ADK: variants seen among roughly 807,000 people sequenced by gnomAD.
ADK encodes the protein N6,N6-dimethyladenosine kinase.
Under a neutral mutation model 44.7 loss-of-function variants are expected in ADK, and 24 were observed. The observed-to-expected ratio is 0.54, with a 90% CI of 0.39 to 0.76. ADK has a LOEUF of 0.76. ADK is among the 30% of genes least tolerant of loss of function. The pLI, the probability that ADK is intolerant of heterozygous loss-of-function variation, is 0.00. For missense variants in ADK, 321 were observed against 425.1 expected, an observed-to-expected ratio of 0.76 and a Z score of 2.15; for synonymous variants, 128 against 142.6, an observed-to-expected ratio of 0.90 and a Z score of 0.73.
intron 7 of ADK, among the ~76,000 whole-genome samples, chr10:74,537,877 T>C (rs546170359): frequency 5.9e-5 from 9 of 152,208 alleles, no homozygotes; most frequent in Middle Eastern, 6.8e-3. Flanking sequence ...CAGTTAAATT[T>C]TTTCATAGGG....
intron 1 of ADK, among the ~76,000 whole-genome samples, chr10:74,184,743 G>A (rs1180188619): frequency 6.6e-6 from 1 of 152,114 alleles, no homozygotes; most frequent in East Asian, 1.9e-4. Flanking sequence ...TCTCAAAAGT[G>A]TCCCATTTGG....
chr10:74,524,601 C>T (rs1848967598), intron 6 of ADK, among the ~76,000 whole-genome samples: 1 of 152,198 alleles, frequency 6.6e-6, no homozygotes, highest in South Asian at 2.1e-4. Context: ...CCATGTTGCC[C>T]AAGCTGGTTT....
intron 4 of ADK, among the ~76,000 whole-genome samples, chr10:74,374,727 A>G (rs1018505886): frequency 6.6e-6 from 1 of 152,052 alleles, no homozygotes; most frequent in Non-Finnish European, 1.5e-5. Context: ...CAGAGAAAGC[A>G]TGCCCATGTC....
rs1564642239 is a variant in ADK, at chr10:74,302,101, G to GTTTTTTTTTTT, written c.195-12563_195-12562insTTTTTTTTTTT. ...TTCTTTTCTTTTCTGTTTTTTTTTT[G>GTTTTTTTTTTT]TTTGTTTGTTTTTTTTTTTTTTTTT... On this transcript the variant is annotated intron_variant, in intron 3 of 10. Transcript: ENST00000539909. Among the ~76,000 whole-genome samples the GTTTTTTTTTTT allele has an allele frequency of 8.6e-4, 10 of 11,694 alleles. 2 individuals are homozygous for GTTTTTTTTTTT. The highest frequency in any genetic ancestry group is 2.8e-3 in the African/African-American group (10 of 3,532). The allele number at this position is 11,694 out of a possible 152,430, so 7.7% of individuals were successfully genotyped here. A position where few individuals can be genotyped will look rare whatever the true frequency, so the allele number is the denominator to read the frequency against.
In ADK at chr10:74,479,613, G is replaced by A. The variant is rs1033515156; in HGVS notation, c.556-45643G>A. Among the ~76,000 whole-genome samples, 3 of 151,678 alleles carry A rather than the reference G, an allele frequency of 2.0e-5. No homozygotes were observed. In the East Asian group the frequency reaches 5.8e-4, roughly 29 times the overall value. ...AAATATATATGTATACTGTTTTTCT[G>A]TGTGATTTATTATCTCTGCTGTTTT... On this transcript the variant is annotated intron_variant, in intron 6 of 10. Transcript: ENST00000539909.
intron 6 of ADK, among the ~76,000 whole-genome samples, chr10:74,495,943 C>G (rs888563526): frequency 6.6e-6 from 1 of 152,150 alleles, no homozygotes; most frequent in Non-Finnish European, 1.5e-5. Context: ...CTTCCCCCTG[C>G]TAATCTAATT....
chr10:74,222,946 T>G (rs751163774), intron 2 of ADK, among the ~76,000 whole-genome samples: 3 of 152,008 alleles, frequency 2.0e-5, no homozygotes, highest in Admixed American at 6.6e-5. Flanking sequence ...CACCAGCATG[T>G]CACATGCATA....
chr10:74,552,650 C>G lies in ADK; in HGVS notation c.726+27224C>G, dbSNP rs145154963. 2.3e-3 allele frequency among the ~76,000 whole-genome samples: 339 copies of G among 150,482 alleles called. 2 individuals carry two copies. The highest frequency in any genetic ancestry group is 7.8e-3 in the African/African-American group (320 of 40,950). On this transcript the variant is annotated intron_variant, in intron 7 of 10. Coordinates refer to ENST00000539909, the MANE Select transcript of ADK (RefSeq NM_006721.4). ...GGATACCATTAAGATAATGAATTGT[C>G]CAGCCACAGATTAGGAGAAAACATT... is the stretch of plus-strand genomic sequence containing the variant.
chr10:74,338,610 CA>C (rs1431692630), intron 4 of ADK, among the ~76,000 whole-genome samples: 1 of 151,952 alleles, frequency 6.6e-6, no homozygotes, highest in Non-Finnish European at 1.5e-5. Context: ...CTGGTACAGT[CA>C]ACAGTTTCCG....
At chr10:74,675,239 A>T (rs1044608534) in intron 10 of ADK, among the ~76,000 whole-genome samples, 1 of 152,236 alleles carries the variant, frequency 6.6e-6, no homozygotes, top group Non-Finnish European at 1.5e-5. Context: ...CTAATTATCT[A>T]TATCAGTACC....
chr10:74,704,326 T>C (rs1856526715), intron 10 of ADK, among the ~76,000 whole-genome samples: 1 of 152,212 alleles, frequency 6.6e-6, no homozygotes, highest in Non-Finnish European at 1.5e-5. Context: ...TTTGTTAAAA[T>C]AGTAAATTTT....
intron 7 of ADK, chr10:74,530,416 C>T (rs1849235832): frequency 6.6e-6 from 1 of 152,076 alleles, no homozygotes; most frequent in South Asian, 2.1e-4. Flanking sequence ...CCCTTATTTT[C>T]TACATGTCAC....
intron 3 of ADK, among the ~76,000 whole-genome samples, chr10:74,267,421 T>G (rs1846250049): frequency 6.6e-6 from 1 of 152,218 alleles, no homozygotes; most frequent in African/African-American, 2.4e-5. Flanking sequence ...TCAAAGATAC[T>G]GAGGAATGAC....
intron 9 of ADK, among the ~76,000 whole-genome samples, chr10:74,617,720 C>G (rs1056176151): frequency 2.6e-5 from 4 of 151,822 alleles, no homozygotes; most frequent in African/African-American, 9.7e-5. Flanking sequence ...TTCAGCCTCC[C>G]AAGTAGCTAG....
At chr10:74,645,068 T>A (rs1301434448) in intron 9 of ADK, among the ~76,000 whole-genome samples, 1 of 152,226 alleles carries the variant, frequency 6.6e-6, no homozygotes, top group Non-Finnish European at 1.5e-5. Flanking sequence ...GTTTTCTGTA[T>A]CAGCTTGTCT....
chr10:74,164,680 T>TA (rs1339935843), intron 1 of ADK, among the ~76,000 whole-genome samples: 2 of 152,182 alleles, frequency 1.3e-5, no homozygotes, highest in African/African-American at 4.8e-5. Context: ...TTTCTAGACT[T>TA]ATACTCGTAG....
At chr10:74,444,976 C>T (rs1845545972) in intron 6 of ADK, among the ~76,000 whole-genome samples, 1 of 151,772 alleles carries the variant, frequency 6.6e-6, no homozygotes, top group South Asian at 2.1e-4. Flanking sequence ...AGTAAGAAGG[C>T]ATTGAGAATA....
At chr10:74,453,135 AAC>A (rs1337303831) in intron 6 of ADK, among the ~76,000 whole-genome samples, 8 of 152,054 alleles carry the variant, frequency 5.3e-5, no homozygotes, top group Admixed American at 2.0e-4. Context: ...ATTTTTTTAA[AAC>A]AGTTAAGAAT....
intron 9 of ADK, chr10:74,641,853 A>C (rs1258665475): frequency 6.6e-6 from 1 of 152,240 alleles, no homozygotes; most frequent in Non-Finnish European, 1.5e-5. Flanking sequence ...TAAAGTGAAC[A>C]GGGCCACCTT....
Sources: gnomAD v4.1 joint callset for allele counts (sites outside exome capture counted in the v4.1 genomes callset) on GRCh38, gnomAD v4.1.1 for gene constraint, MANE v1.5 for transcripts, NCBI Gene and HGNC (gene_info 2026-07-23, HGNC 2026-07-21) for gene names.